The following PLAC8L1 variants were observed in gnomAD, a reference collection of about 807,000 sequenced individuals.
PLAC8L1 encodes PLAC8-like protein 1.
PLAC8L1 carries 13 observed loss-of-function variants against 16.3 expected under a neutral mutation model. The ratio of observed to expected loss-of-function variants is 0.80; its 90% confidence interval spans 0.52 to 1.27. The LOEUF (loss-of-function observed/expected upper bound fraction) is 1.27, where lower values mean the gene tolerates loss of function less well. Ranked by LOEUF, PLAC8L1 falls within the 50% of genes most tolerant of loss-of-function variation. The probability of loss-of-function intolerance (pLI) is 0.00; values close to 1 mark genes in which losing one functional copy is unlikely to be tolerated. For missense variants in PLAC8L1, 184 were observed against 220.2 expected, an observed-to-expected ratio of 0.84 and a Z score of 1.04; for synonymous variants, 78 against 79.3, an observed-to-expected ratio of 0.98 and a Z score of 0.09.
chr5:146,090,534 AAAAAC>A (rs71581853), intron 2 of PLAC8L1, among the ~76,000 whole-genome samples: 46,598 of 149,552 alleles, frequency 0.31, 7,533 homozygotes, highest in Admixed American at 0.37. Flanking sequence ...GACCGTCTCA[AAAAAC>A]AAAACAAAAC....
chr5:146,103,711 A>G (rs188447758), intron 1 of PLAC8L1: 11 of 985,314 alleles, frequency 1.1e-5, no homozygotes, highest in Non-Finnish European at 1.2e-5. Flanking sequence ...ACCTCACTCC[A>G]TTCCTCTTCC....
At chr5:146,084,737 G>C in intron 3 of PLAC8L1, 165 bp from the exon 4 acceptor site, 1 of 842,986 alleles carries the variant, frequency 1.2e-6, no homozygotes, top group Non-Finnish European at 1.8e-6. Flanking sequence ...GTGCCAAGCA[G>C]CTGAATTGCT....
At chr5:146,084,617 A>G in intron 3 of PLAC8L1, 45 bp from the exon 4 acceptor site, 1 of 1,606,940 alleles carries the variant, frequency 6.2e-7, no homozygotes, top group Non-Finnish European at 8.5e-7. Context: ...ACACAGGCTC[A>G]TTTTTCTTCC....
chr5:146,102,460 T>G (rs535290463), intron 1 of PLAC8L1, among the ~76,000 whole-genome samples: 2 of 152,218 alleles, frequency 1.3e-5, no homozygotes, highest in Non-Finnish European at 2.9e-5. Context: ...GTACCTTCCA[T>G]GTACCAGGAT....
intron 1 of PLAC8L1, 71 bp downstream of exon 1, chr5:146,104,122 A>G (rs1293090992): frequency 2.1e-5 from 32 of 1,560,802 alleles, no homozygotes; most frequent in Admixed American, 4.0e-5. Flanking sequence ...CTGGTTCCTT[A>G]TAAGTAGAGG....
At chr5:146,098,721 T>G (rs1763759756) in intron 1 of PLAC8L1, among the ~76,000 whole-genome samples, 1 of 152,212 alleles carries the variant, frequency 6.6e-6, no homozygotes, top group South Asian at 2.1e-4. Context: ...GGACATCTGA[T>G]TCGTTTACTG....
chr5:146,085,360 C>T lies in PLAC8L1; in HGVS notation c.393+101G>A, dbSNP rs1763490987. On this transcript the variant is annotated intron_variant, in intron 3 of 3. Transcript: ENST00000311450. ...TCCCACTAAGCATGGTATGTTTCAA[C>T]ATCCTCACCCACCCTTCTTTTATTT... 3.0e-6 allele frequency: 4 copies of T among 1,337,596 alleles called. No homozygotes were observed. In the South Asian group the frequency reaches 5.0e-5, roughly 17 times the overall value. 82.9% of individuals were successfully genotyped at this position (1,337,596 alleles called of 1,614,324 possible).
chr5:146,086,764 A>G (rs978092343), intron 2 of PLAC8L1, among the ~76,000 whole-genome samples: 8 of 152,260 alleles, frequency 5.3e-5, no homozygotes, highest in Non-Finnish European at 1.0e-4. Flanking sequence ...TATACAGTTA[A>G]GATGTTATGT....
intron 2 of PLAC8L1, among the ~76,000 whole-genome samples, chr5:146,086,251 G>C (rs180943307): frequency 1.5e-4 from 23 of 151,710 alleles, no homozygotes; most frequent in African/African-American, 4.8e-4. Flanking sequence ...GGATGGTCTC[G>C]ATCTCCTGAC....
Position 146,098,231 on chromosome 5 carries a change from T to C in PLAC8L1, c.181A>G (p.Thr61Ala). Reference sequence around the variant, plus strand: ...CCAGTCTGGACAATTGCTGTGATTGTCGTCCTGCCACTGGCTCCCCGAACA... The same window carrying C: ...CCAGTCTGGACAATTGCTGTGATTGCCGTCCTGCCACTGGCTCCCCGAACA... ...QPVRGASGRT[T>A]ITAIVQTGGG... The change falls in exon 2 of 4, where the codon ACA (threonine) becomes GCA (alanine). Residue 61 changes from threonine to alanine, a missense_variant. Transcript: ENST00000311450. 1 of 1,614,168 alleles carries C rather than the reference T, an allele frequency of 6.2e-7. No homozygotes were observed. Among genetic ancestry groups the C allele is most frequent in the African/African-American group, 1.3e-5 (1 of 75,052 alleles).
chr5:146,103,737 C>A, intron 1 of PLAC8L1: 1 of 985,380 alleles, frequency 1.0e-6, no homozygotes, highest in Non-Finnish European at 1.2e-6. Flanking sequence ...TAGCACAAGC[C>A]CTACCATGTC....
At chr5:146,091,592 T>C (rs1211411745) in intron 2 of PLAC8L1, among the ~76,000 whole-genome samples, 5 of 151,782 alleles carry the variant, frequency 3.3e-5, no homozygotes, top group African/African-American at 1.2e-4. Context: ...AGGCCAGGAG[T>C]TTGAGACCAG....
At chr5:146,102,082 G>A (rs1165006907) in intron 1 of PLAC8L1, among the ~76,000 whole-genome samples, 2 of 140,146 alleles carry the variant, frequency 1.4e-5, no homozygotes, top group Non-Finnish European at 3.1e-5. Flanking sequence ...TTGAAACAGG[G>A]TCTTGCTCTG....
At chr5:146,086,276 G>A (rs1204639877) in intron 2 of PLAC8L1, among the ~76,000 whole-genome samples, 7 of 151,934 alleles carry the variant, frequency 4.6e-5, no homozygotes, top group African/African-American at 1.5e-4. Flanking sequence ...TGATCCGCCC[G>A]CCTCGGCCTC....
In PLAC8L1 at chr5:146,084,412, G is replaced by A. The variant is rs767061440; in HGVS notation, c.*20C>T. The A allele has an allele frequency of 6.2e-7, 1 of 1,612,742 alleles. No individual in the cohort carries two copies. Among genetic ancestry groups the A allele is most frequent in the South Asian group, 1.1e-5 (1 of 90,914 alleles). ...TGAGAGGAGGGTGTTGGGGAGTAAG[G>A]AGGAGGAGTTATCTTGCTGTCAAAC... On this transcript the variant is annotated 3_prime_UTR_variant, in exon 4 of 4. Coordinates refer to ENST00000311450, the MANE Select transcript of PLAC8L1 (RefSeq NM_001029869.3).
chr5:146,103,645 G>C (rs761885704), intron 1 of PLAC8L1: 4 of 984,252 alleles, frequency 4.1e-6, no homozygotes, highest in Non-Finnish European at 4.8e-6. Flanking sequence ...CAGGAGGCAG[G>C]AGGCTAACTC....
At chr5:146,091,966 T>C (rs1561783383) in intron 2 of PLAC8L1, among the ~76,000 whole-genome samples, 1 of 152,118 alleles carries the variant, frequency 6.6e-6, no homozygotes, top group East Asian at 1.9e-4. Flanking sequence ...CTCTTACACC[T>C]AAAGGCCTGG....
chr5:146,103,675 G>T (rs1348382214), intron 1 of PLAC8L1: 2 of 985,226 alleles, frequency 2.0e-6, no homozygotes, highest in African/African-American at 3.5e-5. Context: ...TTTGATGGAT[G>T]AGATACATAC....
chr5:146,095,332 G>A (rs1274904719), intron 2 of PLAC8L1, among the ~76,000 whole-genome samples: 1 of 152,038 alleles, frequency 6.6e-6, no homozygotes, highest in Non-Finnish European at 1.5e-5. Flanking sequence ...CACTAGAATG[G>A]GCTCTCAAGT....
Sources: allele counts gnomAD v4.1 joint callset (sites outside exome capture counted in the v4.1 genomes callset), GRCh38; gene constraint gnomAD v4.1.1; transcripts MANE v1.5; gene names NCBI Gene and HGNC (gene_info 2026-07-23, HGNC 2026-07-21).